RAB10: variants seen among roughly 807,000 people sequenced by gnomAD.
The protein encoded by RAB10 is RAB10, member RAS oncogene family, also known as ras-related protein Rab-10.
Under a neutral mutation model 25.7 loss-of-function variants are expected in RAB10, and 5 were observed. That is an observed-to-expected ratio of 0.19 (90% CI 0.10 to 0.41). RAB10 has a LOEUF of 0.41. RAB10 is among the 10% of genes least tolerant of loss of function. RAB10 has a pLI of 1.00. For synonymous variants in RAB10, 89 were observed against 86.4 expected, an observed-to-expected ratio of 1.03 and a Z score of -0.16; for missense variants, 103 against 245.8, an observed-to-expected ratio of 0.42 and a Z score of 3.89.
intron 1 of RAB10, among the ~76,000 whole-genome samples, chr2:26,071,610 C>T (rs1249245775): frequency 6.6e-6 from 1 of 151,902 alleles, no homozygotes; most frequent in Admixed American, 6.6e-5. Flanking sequence ...ATTGCTTGAA[C>T]CTGGGAGGCA....
Position 26,135,937 on chromosome 2 carries a change from A to G in RAB10, c.*916A>G, listed in dbSNP as rs968565411. ...ACGGAAAGATAAGTTCTAACTGCCT[A>G]CTATCCAATGTCAGTTAATTGGTGT... is the stretch of plus-strand genomic sequence containing the variant. On this transcript the variant is annotated 3_prime_UTR_variant, in exon 6 of 6. Coordinates refer to ENST00000264710, the MANE Select transcript of RAB10 (RefSeq NM_016131.5). 1 of 152,636 alleles carries G rather than the reference A, an allele frequency of 6.6e-6. No individual in the cohort carries two copies. Among genetic ancestry groups the G allele is most frequent in the South Asian group, 2.1e-4 (1 of 4,832 alleles). The allele number at this position is 152,636 out of a possible 1,614,324, so 9.5% of individuals were successfully genotyped here.
chr2:26,125,635 A>G (rs916479686), intron 3 of RAB10, among the ~76,000 whole-genome samples: 2 of 151,462 alleles, frequency 1.3e-5, no homozygotes, highest in African/African-American at 4.9e-5. Flanking sequence ...TTTTTTGTAG[A>G]GATGAGGTCT....
At chr2:26,075,281 A>G (rs1666709046) in intron 1 of RAB10, among the ~76,000 whole-genome samples, 1 of 152,142 alleles carries the variant, frequency 6.6e-6, no homozygotes, top group African/African-American at 2.4e-5. Context: ...TGTACCCTAA[A>G]TTCTTTAGTA....
At chr2:26,128,193 T>A (rs1438424095) in intron 5 of RAB10, among the ~76,000 whole-genome samples, 1 of 152,128 alleles carries the variant, frequency 6.6e-6, no homozygotes, top group Non-Finnish European at 1.5e-5. Context: ...AGGCGTTAGA[T>A]CCTCCTAAGG....
At chr2:26,038,782 C>T (rs7607681) in intron 1 of RAB10, among the ~76,000 whole-genome samples, 115,983 of 151,004 alleles carry the variant, frequency 0.77, 44,575 homozygotes, top group East Asian at 0.87. Flanking sequence ...ATTAGCTGTC[C>T]GTGGTGGTGG....
Position 26,110,695 on chromosome 2 carries a change from GT to G in RAB10, c.327+798del, listed in dbSNP as rs529535777. ...TAGTTCCATTGCATGTGAAAATGTT[GT>G]TTTTTTTTCTGTATTTTGGGTTTTT... On this transcript the variant is annotated intron_variant, in intron 3 of 5. Coordinates refer to ENST00000264710, the MANE Select transcript of RAB10 (RefSeq NM_016131.5). Among the ~76,000 whole-genome samples, 87 of 150,620 alleles carry G rather than the reference GT, an allele frequency of 5.8e-4. 1 individual carries two copies. The highest frequency in any genetic ancestry group is 2.2e-4 in the Non-Finnish European group (15 of 67,480).
intron 1 of RAB10, among the ~76,000 whole-genome samples, chr2:26,085,260 G>C (rs1439946347): frequency 6.6e-6 from 1 of 151,990 alleles, no homozygotes; most frequent in South Asian, 2.1e-4. Context: ...AGGCAGAGGC[G>C]GGTGGATCAC....
chr2:26,077,797 G>A (rs114404120), intron 1 of RAB10, among the ~76,000 whole-genome samples: 1,984 of 152,148 alleles, frequency 0.013, 30 homozygotes, highest in South Asian at 0.039. Flanking sequence ...GGCTAACACA[G>A]TGAAACTCCG....
At chr2:26,110,716 GT>G (rs549668744) in intron 3 of RAB10, among the ~76,000 whole-genome samples, 1 of 151,924 alleles carries the variant, frequency 6.6e-6, no homozygotes, top group Non-Finnish European at 1.5e-5. Context: ...TGTATTTTGG[GT>G]TTTTTTGAGA....
chr2:26,109,798 C>T lies in RAB10; in HGVS notation c.219C>T (p.Thr73=). 1 of 1,604,978 alleles carries T rather than the reference C, an allele frequency of 6.2e-7. No individual in the cohort carries two copies. Among genetic ancestry groups the T allele is most frequent in the Non-Finnish European group, 8.5e-7 (1 of 1,176,408 alleles). Residue 73 remains threonine, a synonymous_variant, in exon 3 of 6, where the codon ACC becomes ACT. Coordinates refer to ENST00000264710, the MANE Select transcript of RAB10 (RefSeq NM_016131.5). ...CAGCAGGCCAGGAGCGATTTCACAC[C>T]ATCACAACCTCCTACTACAGAGGCG... is the stretch of plus-strand genomic sequence containing the variant. ...WDTAGQERFH[T]ITTSYYRGAM... is the part of the protein sequence containing the mutation.
chr2:26,120,783 G>T (rs1292553147), intron 3 of RAB10, among the ~76,000 whole-genome samples: 1 of 152,020 alleles, frequency 6.6e-6, no homozygotes, highest in East Asian at 1.9e-4. Context: ...GTAGACACGA[G>T]GTTTCACTGT....
chr2:26,110,415 C>T (rs1458293061), intron 3 of RAB10, among the ~76,000 whole-genome samples: 2 of 151,946 alleles, frequency 1.3e-5, no homozygotes, highest in East Asian at 3.9e-4. Flanking sequence ...TCTAGAGCCC[C>T]ATTCAAGACA....
At position 26,034,417 on chromosome 2, in the gene RAB10, T is replaced by G; in HGVS notation, c.-192T>G. ...GGCTGCGGAGCCGCGGTCGCCGCCCTCGGAGGCACTGGACGCCGCCACTGT... is the reference window on the plus strand; with the variant it reads ...GGCTGCGGAGCCGCGGTCGCCGCCCGCGGAGGCACTGGACGCCGCCACTGT... On this transcript the variant is annotated 5_prime_UTR_variant, in exon 1 of 6. Coordinates refer to ENST00000264710, the MANE Select transcript of RAB10 (RefSeq NM_016131.5). 1.4e-6 allele frequency: 1 copy of G among 712,366 alleles called. No homozygotes were observed. 44.1% of individuals were successfully genotyped at this position (712,366 alleles called of 1,614,324 possible).
At chr2:26,053,252 T>C (rs1311493729) in intron 1 of RAB10, among the ~76,000 whole-genome samples, 1 of 152,234 alleles carries the variant, frequency 6.6e-6, no homozygotes, top group Non-Finnish European at 1.5e-5. Flanking sequence ...TCCTTCAAAA[T>C]AATGAGATTT....
intron 2 of RAB10, chr2:26,101,453 G>A (rs776680373): frequency 7.2e-5 from 11 of 152,286 alleles, no homozygotes; most frequent in Non-Finnish European, 1.5e-4. Context: ...GGATGAGATA[G>A]CTATAGGTCT....
chr2:26,098,109 C>CTTTT (rs57174956), intron 1 of RAB10, among the ~76,000 whole-genome samples: 55 of 52,718 alleles, frequency 1.0e-3, no homozygotes, highest in African/African-American at 2.2e-3. Context: ...TTCTTTCTTT[C>CTTTT]TTTTTTTTTT....
At chr2:26,091,299 A>G (rs1667101311) in intron 1 of RAB10, among the ~76,000 whole-genome samples, 1 of 152,188 alleles carries the variant, frequency 6.6e-6, no homozygotes, top group African/African-American at 2.4e-5. Flanking sequence ...GAAGGTTAGA[A>G]GTGTTAATAG....
chr2:26,075,655 A>G (rs1006020336), intron 1 of RAB10, among the ~76,000 whole-genome samples: 1 of 152,240 alleles, frequency 6.6e-6, no homozygotes, highest in African/African-American at 2.4e-5. Context: ...CTAATACAGA[A>G]TAATCATGAC....
intron 1 of RAB10, among the ~76,000 whole-genome samples, chr2:26,064,055 G>A (rs1666463622): frequency 6.6e-6 from 1 of 152,120 alleles, no homozygotes; most frequent in African/African-American, 2.4e-5. Context: ...GCCCGCCTTG[G>A]TGGTAATGTC....
Sources: allele counts gnomAD v4.1 joint callset (sites outside exome capture counted in the v4.1 genomes callset), GRCh38; gene constraint gnomAD v4.1.1; transcripts MANE v1.5; gene names NCBI Gene and HGNC (gene_info 2026-07-23, HGNC 2026-07-21).